The following ANKS1B variants were observed in gnomAD, a reference collection of about 807,000 sequenced individuals.
ANKS1B encodes ankyrin repeat and sterile alpha motif domain containing 1B.
ANKS1B carries 36 observed loss-of-function variants against 148.3 expected under a neutral mutation model. The ratio of observed to expected loss-of-function variants is 0.24; its 90% CI spans 0.19 to 0.32. The LOEUF is 0.32. Among genes scored for constraint, ANKS1B ranks in the 10% least tolerant of loss-of-function variants. The pLI is 1.00. For synonymous variants in ANKS1B, 542 were observed against 560.8 expected (o/e 0.97, Z 0.47); for missense variants, 1,157 against 1,542.6 (o/e 0.75, Z 4.19).
intron 4 of ANKS1B, among the ~76,000 whole-genome samples, chr12:99,789,980 C>A (rs1006431524): frequency 1.3e-5 from 2 of 151,896 alleles, no homozygotes; most frequent in African/African-American, 4.8e-5. Flanking sequence ...TTCCCAAACC[C>A]AGAGAAAGAT....
At chr12:98,884,789 G>C (rs1189830990) in intron 17 of ANKS1B, among the ~76,000 whole-genome samples, 1 of 137,596 alleles carries the variant, frequency 7.3e-6, no homozygotes, top group Non-Finnish European at 1.5e-5. Context: ...CTGGGCGACA[G>C]AGCGAGACTC....
intron 20 of ANKS1B, among the ~76,000 whole-genome samples, chr12:98,803,226 G>A (rs371627101): frequency 1.8e-4 from 27 of 151,804 alleles, no homozygotes; most frequent in Middle Eastern, 3.2e-3. Context: ...TATAGGATAC[G>A]TGGATTTCAA....
At chr12:99,433,165 A>G (rs1433622631) in intron 11 of ANKS1B, among the ~76,000 whole-genome samples, 1 of 152,146 alleles carries the variant, frequency 6.6e-6, no homozygotes. Context: ...AAGTTAGAGG[A>G]CTGATTTTTG....
At chr12:99,351,487 G>A (rs2091415744) in intron 12 of ANKS1B, among the ~76,000 whole-genome samples, 1 of 151,420 alleles carries the variant, frequency 6.6e-6, no homozygotes, top group Non-Finnish European at 1.5e-5. Flanking sequence ...ACCTGTGATG[G>A]TAGAAAACAC....
At chr12:98,820,937 A>G (rs1594717902) in intron 19 of ANKS1B, among the ~76,000 whole-genome samples, 1 of 152,386 alleles carries the variant, frequency 6.6e-6, no homozygotes, top group African/African-American at 2.4e-5. Flanking sequence ...GCAGTTGAGA[A>G]AGCATAATGT....
At chr12:99,215,264 G>C (rs1436651970) in intron 14 of ANKS1B, among the ~76,000 whole-genome samples, 1 of 152,194 alleles carries the variant, frequency 6.6e-6, no homozygotes, top group Non-Finnish European at 1.5e-5. Flanking sequence ...GGAAATACTT[G>C]GATGTCCAGG....
chr12:99,760,848 T>C (rs2062024397), intron 8 of ANKS1B, among the ~76,000 whole-genome samples: 1 of 150,232 alleles, frequency 6.7e-6, no homozygotes, highest in Non-Finnish European at 1.5e-5. Context: ...CAATCAGAAA[T>C]GGCAAAGGTG....
intron 1 of ANKS1B, among the ~76,000 whole-genome samples, chr12:99,941,858 G>A (rs2094928176): frequency 6.6e-6 from 1 of 152,128 alleles, no homozygotes; most frequent in Non-Finnish European, 1.5e-5. Context: ...GAAACTAAGA[G>A]GATGGCATCA....
intron 1 of ANKS1B, among the ~76,000 whole-genome samples, chr12:99,928,295 G>A (rs1410871153): frequency 5.0e-5 from 7 of 138,962 alleles, no homozygotes; most frequent in Admixed American, 2.2e-4. Flanking sequence ...TTTTTGAGAC[G>A]GAGTCTCGCT....
At chr12:99,725,333 C>CA (rs1309827213) in intron 8 of ANKS1B, among the ~76,000 whole-genome samples, 1 of 151,858 alleles carries the variant, frequency 6.6e-6, no homozygotes, top group Non-Finnish European at 1.5e-5. Context: ...AAATGAAAAG[C>CA]AAAAAGAAAG....
intron 10 of ANKS1B, among the ~76,000 whole-genome samples, chr12:99,455,516 G>T (rs995189979): frequency 2.0e-5 from 3 of 152,132 alleles, no homozygotes; most frequent in Non-Finnish European, 4.4e-5. Flanking sequence ...TTGTAGCCTG[G>T]GGCAAGTTCT....
intron 17 of ANKS1B, among the ~76,000 whole-genome samples, chr12:99,031,697 G>A (rs2099952292): frequency 6.6e-6 from 1 of 152,148 alleles, no homozygotes; most frequent in Non-Finnish European, 1.5e-5. Flanking sequence ...AAACACAAAA[G>A]CATGAGGACA....
chr12:98,855,184 AT>A (rs35383457), intron 17 of ANKS1B, among the ~76,000 whole-genome samples: 5,521 of 150,834 alleles, frequency 0.037, 107 homozygotes, highest in Non-Finnish European at 0.051. Flanking sequence ...AAAAAAAAAA[AT>A]CTCTTAAGAA....
At chr12:99,910,354 C>CAAAAAAAAAA (rs57222450) in intron 1 of ANKS1B, among the ~76,000 whole-genome samples, 1 of 51,104 alleles carries the variant, frequency 2.0e-5, no homozygotes, top group East Asian at 6.7e-4. Flanking sequence ...GACTCCATCT[C>CAAAAAAAAAA]AAAAAAAAAA....
At position 99,984,465 on chromosome 12, in the gene ANKS1B, C is replaced by T; in HGVS notation, c.-228G>A. 2.3e-6 allele frequency: 1 copy of T among 430,248 alleles called. No homozygotes were observed. The highest frequency in any genetic ancestry group is 4.1e-6 in the Non-Finnish European group (1 of 241,554). 26.7% of individuals were successfully genotyped at this position (430,248 alleles called of 1,614,324 possible). A position where few individuals can be genotyped will look rare whatever the true frequency, so the allele number is the denominator to read the frequency against. ...GACCATGTCTTGAAAGAGGGGCTGG[C>T]CGAGCTGGGAGCCGCGACGCGCCCC... On this transcript the variant is annotated 5_prime_UTR_variant, in exon 1 of 27. Coordinates refer to ENST00000683438, the MANE Select transcript of ANKS1B (RefSeq NM_001352186.2).
At chr12:98,882,604 AAC>A (rs2099711027) in intron 17 of ANKS1B, among the ~76,000 whole-genome samples, 2 of 152,202 alleles carry the variant, frequency 1.3e-5, no homozygotes, top group African/African-American at 2.4e-5. Context: ...TAAGTAAATC[AAC>A]AGTTTGTTTA....
At chr12:99,150,575 T>C (rs1197790718) in intron 15 of ANKS1B, among the ~76,000 whole-genome samples, 2 of 152,100 alleles carry the variant, frequency 1.3e-5, no homozygotes, top group Non-Finnish European at 2.9e-5. Context: ...GCAAAGTTAT[T>C]AAGATAAGAA....
At chr12:99,688,167 G>A (rs774134710) in intron 8 of ANKS1B, among the ~76,000 whole-genome samples, 15 of 152,094 alleles carry the variant, frequency 9.9e-5, no homozygotes, top group African/African-American at 2.4e-4. Context: ...TCTGAGAACC[G>A]CTGAGTATTG....
rs184029137 is a variant in ANKS1B at position 99,559,982 on chromosome 12, G to A, written c.1273-55341C>T. Among the ~76,000 whole-genome samples, 102 of 152,122 alleles carry A rather than the reference G, an allele frequency of 6.7e-4. No individual in the cohort carries two copies. In the South Asian group the frequency reaches 9.1e-3, roughly 14 times the overall value. Reference sequence around the variant, plus strand: ...AGAAGACAACATACAATGAGGCCTCGGTCAAGTGTTTCAGTACTTCAGAAA... The same window carrying A: ...AGAAGACAACATACAATGAGGCCTCAGTCAAGTGTTTCAGTACTTCAGAAA... On this transcript the variant is annotated intron_variant, in intron 9 of 26. Coordinates refer to ENST00000683438, the MANE Select transcript of ANKS1B (RefSeq NM_001352186.2).
Sources: gnomAD v4.1 joint callset for allele counts (sites outside exome capture counted in the v4.1 genomes callset) on GRCh38, gnomAD v4.1.1 for gene constraint, MANE v1.5 for transcripts, NCBI Gene and HGNC (gene_info 2026-07-23, HGNC 2026-07-21) for gene names.